Variants in TAOK1 observed in about 807,000 individuals in gnomAD.
The protein encoded by TAOK1 is serine/threonine-protein kinase TAO1.
Under a neutral mutation model 138.3 loss-of-function variants are expected in TAOK1, and 21 were observed. That is an observed-to-expected ratio of 0.15 (90% CI 0.11 to 0.22). The LOEUF is 0.22. Ranked by LOEUF, TAOK1 falls within the 10% of genes least tolerant of loss-of-function variation. The pLI is 1.00. For missense variants in TAOK1, 651 were observed against 1,227.7 expected, an observed-to-expected ratio of 0.53 and a Z score of 7.02; for synonymous variants, 361 against 398.4, an observed-to-expected ratio of 0.91 and a Z score of 1.12.
intron 3 of TAOK1, among the ~76,000 whole-genome samples, chr17:29,468,154 G>A (rs1363821991): frequency 3.6e-5 from 1 of 27,932 alleles, no homozygotes. Context: ...TTTTTTTTTA[G>A]GAGCTGGAGT....
At chr17:29,467,119 T>C (rs762999792) in intron 2 of TAOK1, 26 bp from the exon 3 acceptor site, 1 of 1,547,230 alleles carries the variant, frequency 6.5e-7, no homozygotes, top group South Asian at 1.2e-5. Flanking sequence ...ATTTTTACAG[T>C]GCTTCTTTCT....
rs1481445713 is a variant in TAOK1 at position 29,491,843 on chromosome 17, C to T, written c.809C>T (p.Pro270Leu). Residue 270 changes from proline (P) to leucine (L), a missense_variant, in exon 10 of 20, where the codon CCT becomes CTT. This residue lies in a region of TAOK1 where 39 missense variants were observed against 52.5 expected (regional missense o/e 0.74). Transcript: ENST00000261716. ...CTCCAGAAAATCCCTCAAGATCGACCTACATCAGAGGAACTTTTAAAGGTC... is the reference window on the plus strand; with the variant it reads ...CTCCAGAAAATCCCTCAAGATCGACTTACATCAGAGGAACTTTTAAAGGTC... ...SCLQKIPQDR[P>L]TSEELLKHIF... 4 of 1,613,104 alleles carry T rather than the reference C, an allele frequency of 2.5e-6. No individual in the cohort carries two copies. The highest frequency in any genetic ancestry group is 2.7e-5 in the African/African-American group (2 of 74,878).
At chr17:29,489,528 C>A in intron 8 of TAOK1, 136 bp from the exon 9 acceptor site, 1 of 579,778 alleles carries the variant, frequency 1.7e-6, no homozygotes, top group Non-Finnish European at 2.9e-6. Context: ...GCTCTTTGAA[C>A]TCTACTTGCA....
intron 17 of TAOK1, among the ~76,000 whole-genome samples, chr17:29,528,030 A>G (rs1567745241): frequency 3.9e-5 from 6 of 151,940 alleles, no homozygotes; most frequent in African/African-American, 1.2e-4. Flanking sequence ...TAGTTTTGTT[A>G]TTTTGTTTGT....
intron 1 of TAOK1, among the ~76,000 whole-genome samples, chr17:29,404,557 T>C (rs192133281): frequency 1.3e-3 from 194 of 152,236 alleles, no homozygotes; most frequent in African/African-American, 4.5e-3. Flanking sequence ...TTTGGGAGAC[T>C]GAGACAAGGG....
chr17:29,430,493 A>G (rs1442664323), intron 1 of TAOK1, among the ~76,000 whole-genome samples: 1 of 152,216 alleles, frequency 6.6e-6, no homozygotes, highest in Non-Finnish European at 1.5e-5. Context: ...GCTAGGGTGA[A>G]GTTACAAAGT....
In TAOK1 at chr17:29,549,584, C is replaced by T. The variant is rs2032457422; in HGVS notation, c.*6562C>T. ...ATGAACATTGTTACCGTAAATTGCACATGGTCATGGACTGAATTATGTGAC... is the reference window on the plus strand; with the variant it reads ...ATGAACATTGTTACCGTAAATTGCATATGGTCATGGACTGAATTATGTGAC... On this transcript the variant is annotated 3_prime_UTR_variant, in exon 20 of 20. Coordinates refer to ENST00000261716, the MANE Select transcript of TAOK1 (RefSeq NM_020791.4). 6.6e-6 allele frequency: 1 copy of T among 152,156 alleles called. No individual in the cohort carries two copies. The highest frequency in any genetic ancestry group is 1.5e-5 in the Non-Finnish European group (1 of 68,020). The allele number at this position is 152,156 out of a possible 1,614,324, so 9.4% of individuals were successfully genotyped here.
intron 17 of TAOK1, among the ~76,000 whole-genome samples, chr17:29,528,905 G>A (rs1465503088): frequency 6.9e-6 from 1 of 144,332 alleles, no homozygotes; most frequent in Non-Finnish European, 1.5e-5. Flanking sequence ...CAGAATAAAT[G>A]TGCTTTATTT....
chr17:29,395,187 T>C (rs1598461589), intron 1 of TAOK1, among the ~76,000 whole-genome samples: 2 of 152,124 alleles, frequency 1.3e-5, no homozygotes, highest in East Asian at 1.9e-4. Flanking sequence ...GAGGCTGCAG[T>C]GAGTTGTGAT....
chr17:29,535,875 T>TA (rs1018552925), intron 19 of TAOK1, among the ~76,000 whole-genome samples: 1 of 151,552 alleles, frequency 6.6e-6, no homozygotes, highest in Non-Finnish European at 1.5e-5. Context: ...AAAAAATCTT[T>TA]AAAAAAATCA....
intron 15 of TAOK1, among the ~76,000 whole-genome samples, chr17:29,515,352 T>C (rs960653647): frequency 2.6e-5 from 4 of 152,198 alleles, no homozygotes; most frequent in Non-Finnish European, 5.9e-5. Flanking sequence ...TCGTGATTTT[T>C]ACCTGAAAGT....
chr17:29,515,077 A>G (rs1365115111), intron 15 of TAOK1: 1 of 151,872 alleles, frequency 6.6e-6, no homozygotes, highest in African/African-American at 2.4e-5. Flanking sequence ...CTCAATATAA[A>G]TGCATTCTTA....
Position 29,475,715 on chromosome 17 carries a change from A to G in TAOK1, c.250A>G (p.Lys84Glu), listed in dbSNP as rs768079772. The G allele has an allele frequency of 6.2e-7, 1 of 1,613,386 alleles. No individual in the cohort carries two copies. The stretch of plus-strand genomic sequence containing the variant: ...GGAAGTCAAGTTTCTACAAAGAATA[A>G]AACATCCCAACAGTATAGAATACAA... Reference protein sequence around the residue: ...IKEVKFLQRIKHPNSIEYKGC... With the variant: ...IKEVKFLQRIEHPNSIEYKGC... Residue 84 changes from lysine (K) to glutamate (E), a missense_variant, in exon 4 of 20, where the codon AAA (lysine) becomes GAA (glutamate). This residue lies in a region of TAOK1 where 116 missense variants were observed against 213.9 expected (regional missense o/e 0.54). Coordinates refer to ENST00000261716, the MANE Select transcript of TAOK1 (RefSeq NM_020791.4).
chr17:29,505,914 A>C (rs189586060), intron 13 of TAOK1, among the ~76,000 whole-genome samples: 41 of 152,306 alleles, frequency 2.7e-4, no homozygotes, highest in African/African-American at 9.6e-4. Flanking sequence ...CAGCGTGGGC[A>C]ACCCACCGAC....
At chr17:29,427,649 A>G (rs1294043572) in intron 1 of TAOK1, among the ~76,000 whole-genome samples, 1 of 151,846 alleles carries the variant, frequency 6.6e-6, no homozygotes, top group Non-Finnish European at 1.5e-5. Context: ...TTTCTTGGCC[A>G]GGCGTAGTGG....
At chr17:29,409,334 T>TATATATATATATA (rs1491526747) in intron 1 of TAOK1, among the ~76,000 whole-genome samples, 1 of 44,510 alleles carries the variant, frequency 2.2e-5, no homozygotes, top group Non-Finnish European at 4.1e-5. Flanking sequence ...TATATATATA[T>TATATATATATATA]TTTTTTTTTT....
chr17:29,518,852 C>T (rs1050401484), intron 16 of TAOK1, among the ~76,000 whole-genome samples: 4 of 151,960 alleles, frequency 2.6e-5, no homozygotes, highest in African/African-American at 7.3e-5. Context: ...TTGCAACCTC[C>T]GCCTCCCAGG....
At chr17:29,467,909 C>T (rs966681842) in intron 3 of TAOK1, among the ~76,000 whole-genome samples, 9 of 151,212 alleles carry the variant, frequency 6.0e-5, no homozygotes, top group South Asian at 2.1e-4. Context: ...CTGCAACCTT[C>T]GCCACCTCTC....
At chr17:29,448,518 G>A (rs1173550266) in intron 1 of TAOK1, among the ~76,000 whole-genome samples, 2 of 152,076 alleles carry the variant, frequency 1.3e-5, no homozygotes, top group African/African-American at 2.4e-5. Context: ...TAATTTCCTT[G>A]TCTTTTTGTT....
Sources: allele counts gnomAD v4.1 joint callset (sites outside exome capture counted in the v4.1 genomes callset), GRCh38; gene constraint gnomAD v4.1.1; regional missense constraint gnomAD v4.1.1; transcripts MANE v1.5; gene names NCBI Gene and HGNC (gene_info 2026-07-23, HGNC 2026-07-21).